The following AGBL1 variants were observed in gnomAD, a reference collection of about 807,000 sequenced individuals.
The protein encoded by AGBL1 is AGBL carboxypeptidase 1, also known as cytosolic carboxypeptidase 4.
Under a neutral mutation model 118.9 loss-of-function variants are expected in AGBL1, and 130 were observed. That is an observed-to-expected ratio of 1.09 (90% CI 0.95 to 1.26). The LOEUF (loss-of-function observed/expected upper bound fraction) is 1.26. Ranked by LOEUF, AGBL1 falls within the 50% of genes most tolerant of loss-of-function variation. The pLI, the probability that AGBL1 is intolerant of heterozygous loss-of-function variation, is 0.00. For synonymous variants in AGBL1, 555 were observed against 478.9 expected (o/e 1.16, Z -2.08); for missense variants, 1,584 against 1,298.1 (o/e 1.22, Z -3.38).
Position 86,908,816 on chromosome 15 carries a change from T to G in AGBL1, c.*1522T>G, listed in dbSNP as rs1485110952. 6.6e-6 allele frequency: 1 copy of G among 152,232 alleles called. No individual in the cohort carries two copies. Among genetic ancestry groups the G allele is most frequent in the Non-Finnish European group, 1.5e-5 (1 of 68,056 alleles). 9.4% of individuals were successfully genotyped at this position (152,232 alleles called of 1,614,324 possible). On this transcript the variant is annotated 3_prime_UTR_variant, in exon 23 of 23. Transcript: ENST00000614907. The stretch of plus-strand genomic sequence containing the variant: ...GGTCAAACTTAGGCTGTTTTAGATG[T>G]CATGTGTATTAGTTAGGATTAGGTT...
chr15:86,393,472 G>A (rs2081317532), intron 17 of AGBL1, among the ~76,000 whole-genome samples: 1 of 152,084 alleles, frequency 6.6e-6, no homozygotes, highest in Non-Finnish European at 1.5e-5. Context: ...CACAAAGAGA[G>A]TGATGTGGAA....
intron 12 of AGBL1, among the ~76,000 whole-genome samples, 181 bp downstream of exon 12, chr15:86,266,638 C>T (rs146184231): frequency 1.3e-5 from 2 of 152,308 alleles, no homozygotes; most frequent in African/African-American, 4.8e-5. Context: ...CGCAGTGGCT[C>T]ACGCCTGTAA....
chr15:86,188,158 T>G lies in AGBL1; in HGVS notation c.488+29132T>G, dbSNP rs143850492. On this transcript the variant is annotated intron_variant, in intron 5 of 22. Transcript: ENST00000614907. ...CTTCTGTGAAACTGAGGAAGTTACA[T>G]TTCCTGATTCAGAGGTTGTAATTAA... Among the ~76,000 whole-genome samples, 315 of 152,302 alleles carry G rather than the reference T, an allele frequency of 2.1e-3. 1 individual carries two copies. The highest frequency in any genetic ancestry group is 3.8e-3 in the Non-Finnish European group (259 of 68,028).
intron 3 of AGBL1, among the ~76,000 whole-genome samples, chr15:86,146,420 C>T (rs2077034488): frequency 6.6e-6 from 1 of 152,116 alleles, no homozygotes; most frequent in Non-Finnish European, 1.5e-5. Context: ...ATATCAGGGA[C>T]TTGAGCATCT....
rs145689306 is a variant in AGBL1 at position 86,555,946 on chromosome 15, T to A, written c.2994+1409T>A. 3.3e-3 allele frequency among the ~76,000 whole-genome samples: 507 copies of A among 152,310 alleles called. 6 individuals carry two copies. Among genetic ancestry groups the A allele is most frequent in the African/African-American group, 9.6e-3 (400 of 41,570 alleles). On this transcript the variant is annotated intron_variant, in intron 21 of 22. Coordinates refer to ENST00000614907, the MANE Select transcript of AGBL1 (RefSeq NM_001386094.1). ...TAAATATTGTGACTTTAAGGCCTTA[T>A]GGACATAGGTTTGTGTCTCTCTCTG...
intron 21 of AGBL1, among the ~76,000 whole-genome samples, chr15:86,570,763 T>C (rs1472162308): frequency 6.6e-6 from 1 of 152,144 alleles, no homozygotes; most frequent in Non-Finnish European, 1.5e-5. Flanking sequence ...TATGGGATCT[T>C]TGGGGTGTCG....
At chr15:86,526,449 A>G (rs1048160840) in intron 19 of AGBL1, among the ~76,000 whole-genome samples, 3 of 151,176 alleles carry the variant, frequency 2.0e-5, no homozygotes, top group African/African-American at 7.3e-5. Context: ...ATAATTGCCC[A>G]AAGATATGGA....
intron 18 of AGBL1, among the ~76,000 whole-genome samples, chr15:86,474,485 A>G (rs1480143024): frequency 6.6e-6 from 1 of 152,198 alleles, no homozygotes; most frequent in Non-Finnish European, 1.5e-5. Flanking sequence ...TTGCCAGCAC[A>G]GCAGTCTGAG....
At chr15:87,011,944 A>C (rs2081564451) in intron 24 of AGBL1, among the ~76,000 whole-genome samples, 2 of 152,142 alleles carry the variant, frequency 1.3e-5, no homozygotes, top group South Asian at 4.1e-4. Flanking sequence ...AAGCTGGTAC[A>C]TATTCCGTTT....
At chr15:86,853,949 T>A (rs927809405) in intron 22 of AGBL1, among the ~76,000 whole-genome samples, 1 of 152,280 alleles carries the variant, frequency 6.6e-6, no homozygotes, top group East Asian at 1.9e-4. Flanking sequence ...AAAGAAAATA[T>A]TGCATAGGGA....
At chr15:86,254,188 T>G (rs2078859863) in intron 7 of AGBL1, among the ~76,000 whole-genome samples, 1 of 152,250 alleles carries the variant, frequency 6.6e-6, no homozygotes, top group South Asian at 2.1e-4. Flanking sequence ...TGCAGACTCC[T>G]AGGAGACTTT....
At chr15:86,765,974 C>G (rs796333408) in intron 22 of AGBL1, among the ~76,000 whole-genome samples, 153 of 151,996 alleles carry the variant, frequency 1.0e-3, no homozygotes, top group African/African-American at 3.5e-3. Flanking sequence ...TCTCCATCAC[C>G]CAGACTGGTT....
chr15:86,285,845 C>T (rs2141738661), intron 16 of AGBL1, among the ~76,000 whole-genome samples: 1 of 152,296 alleles, frequency 6.6e-6, no homozygotes, highest in South Asian at 2.1e-4. Context: ...GCCTGTCCAG[C>T]CAACACTATT....
chr15:86,732,559 G>T (rs2077539442), intron 22 of AGBL1, among the ~76,000 whole-genome samples: 1 of 152,198 alleles, frequency 6.6e-6, no homozygotes, highest in African/African-American at 2.4e-5. Context: ...GAAATGTGGA[G>T]ATTAAGAAAG....
chr15:86,568,635 G>A (rs979570614), intron 21 of AGBL1, among the ~76,000 whole-genome samples: 5 of 152,174 alleles, frequency 3.3e-5, no homozygotes, highest in African/African-American at 1.2e-4. Context: ...CTCACAAGTG[G>A]TGGTATAGAC....
intron 19 of AGBL1, among the ~76,000 whole-genome samples, chr15:86,544,969 T>C (rs2083559716): frequency 6.6e-6 from 1 of 152,220 alleles, no homozygotes; most frequent in Non-Finnish European, 1.5e-5. Flanking sequence ...ACTGCCCTTG[T>C]CATATGATTT....
intron 21 of AGBL1, among the ~76,000 whole-genome samples, chr15:86,585,527 A>AT (rs1197558544): frequency 6.6e-6 from 1 of 151,898 alleles, no homozygotes; most frequent in Admixed American, 6.6e-5. Flanking sequence ...ATGCCCAGCT[A>AT]TTTTTTACTT....
At chr15:86,932,313 C>A (rs984330256) in intron 23 of AGBL1, among the ~76,000 whole-genome samples, 1 of 152,176 alleles carries the variant, frequency 6.6e-6, no homozygotes, top group Non-Finnish European at 1.5e-5. Flanking sequence ...TGACCATTAA[C>A]TTTAGGCTCT....
At chr15:86,093,000 G>A (rs931938176) in intron 1 of AGBL1, among the ~76,000 whole-genome samples, 1 of 152,084 alleles carries the variant, frequency 6.6e-6, no homozygotes, top group African/African-American at 2.4e-5. Flanking sequence ...AATAATAGCA[G>A]CTTCGGAAGT....
Sources: gnomAD v4.1 joint callset for allele counts (sites outside exome capture counted in the v4.1 genomes callset) on GRCh38, gnomAD v4.1.1 for gene constraint, MANE v1.5 for transcripts, NCBI Gene and HGNC (gene_info 2026-07-23, HGNC 2026-07-21) for gene names.